Variants in CALN1 observed in about 807,000 individuals in gnomAD.
CALN1 encodes the protein calneuron 1.
A neutral mutation model predicts 30.6 loss-of-function variants in CALN1; 17 were observed. That is an observed-to-expected ratio of 0.56 (90% CI 0.38 to 0.83). The LOEUF (loss-of-function observed/expected upper bound fraction) is 0.83, where lower values mean the gene tolerates loss of function less well. Among genes scored for constraint, CALN1 ranks in the 40% least tolerant of loss-of-function variants. The probability of loss-of-function intolerance (pLI) is 0.00; values close to 1 mark genes in which losing one functional copy is unlikely to be tolerated. For synonymous variants in CALN1, 156 were observed against 131.4 expected (o/e 1.19, Z -1.28); for missense variants, 291 against 354.9 (o/e 0.82, Z 1.45).
At chr7:72,147,003 A>C (rs2129543843) in intron 3 of CALN1, among the ~76,000 whole-genome samples, 1 of 152,294 alleles carries the variant, frequency 6.6e-6, no homozygotes, top group African/African-American at 2.4e-5. Context: ...TAGACCTAAA[A>C]CCATAAAAAC....
At chr7:72,274,951 A>C (rs1261426183) in intron 3 of CALN1, among the ~76,000 whole-genome samples, 2 of 152,160 alleles carry the variant, frequency 1.3e-5, no homozygotes, top group African/African-American at 4.8e-5. Flanking sequence ...ATTGCAGCTG[A>C]AAATGACCTG....
At chr7:72,398,526 G>T (rs1024213825) in intron 2 of CALN1, among the ~76,000 whole-genome samples, 1 of 152,214 alleles carries the variant, frequency 6.6e-6, no homozygotes, top group East Asian at 1.9e-4. Flanking sequence ...TTTGGATTGG[G>T]CTGAAGCCAC....
At chr7:71,949,406 T>C (rs1018523820) in intron 5 of CALN1, among the ~76,000 whole-genome samples, 1 of 152,150 alleles carries the variant, frequency 6.6e-6, no homozygotes, top group African/African-American at 2.4e-5. Context: ...TTGTTTGAGA[T>C]GGAGTCTCAC....
intron 2 of CALN1, among the ~76,000 whole-genome samples, chr7:72,350,399 G>A (rs553977761): frequency 6.6e-6 from 1 of 152,236 alleles, no homozygotes; most frequent in African/African-American, 2.4e-5. Flanking sequence ...AGCAATGCTA[G>A]ACTGGATAAA....
At chr7:71,836,582 T>C (rs1191469107) in intron 5 of CALN1, among the ~76,000 whole-genome samples, 1 of 151,892 alleles carries the variant, frequency 6.6e-6, no homozygotes, top group African/African-American at 2.4e-5. Flanking sequence ...AGACTCATTC[T>C]ATTTTATGGC....
chr7:72,399,759 T>C (rs1186502437), intron 2 of CALN1, among the ~76,000 whole-genome samples: 1 of 152,214 alleles, frequency 6.6e-6, no homozygotes, highest in Non-Finnish European at 1.5e-5. Context: ...GCTTGGGTAT[T>C]TGTCCCCTCC....
intron 3 of CALN1, among the ~76,000 whole-genome samples, chr7:72,243,655 G>C (rs994899479): frequency 6.6e-6 from 1 of 152,122 alleles, no homozygotes; most frequent in Non-Finnish European, 1.5e-5. Flanking sequence ...CCTGTCTGGA[G>C]TGAGTGACCT....
At chr7:71,908,621 C>A (rs977499256) in intron 5 of CALN1, among the ~76,000 whole-genome samples, 1 of 152,168 alleles carries the variant, frequency 6.6e-6, no homozygotes, top group Non-Finnish European at 1.5e-5. Flanking sequence ...CACAACGATG[C>A]ATAACTAGCT....
At chr7:72,345,943 C>T (rs1010765424) in intron 2 of CALN1, among the ~76,000 whole-genome samples, 2 of 151,592 alleles carry the variant, frequency 1.3e-5, no homozygotes, top group African/African-American at 2.4e-5. Flanking sequence ...GAAAAAGAAC[C>T]GAATTAAGAA....
chr7:71,802,037 C>A (rs1223202850), intron 6 of CALN1, among the ~76,000 whole-genome samples: 1 of 151,998 alleles, frequency 6.6e-6, no homozygotes, highest in Non-Finnish European at 1.5e-5. Context: ...TACTTGTGCA[C>A]CAACCTAATA....
chr7:72,418,130 C>A (rs1807481436), intron 1 of CALN1, among the ~76,000 whole-genome samples: 1 of 151,678 alleles, frequency 6.6e-6, no homozygotes. Flanking sequence ...TCTTCCCTCT[C>A]TAGTAGCCCC....
intron 6 of CALN1, among the ~76,000 whole-genome samples, chr7:71,795,188 A>G (rs1370622441): frequency 6.6e-6 from 1 of 151,830 alleles, no homozygotes; most frequent in African/African-American, 2.4e-5. Context: ...CACTCAGGTA[A>G]TTTTTGTATT....
the CALN1 span, among the ~76,000 whole-genome samples, chr7:72,467,187 G>A: frequency 6.6e-6 from 1 of 152,174 alleles, no homozygotes; most frequent in South Asian, 2.1e-4. Flanking sequence ...AGTCCCGAGA[G>A]CTCTCAGGCC....
chr7:72,171,219 T>C (rs1671080505), intron 3 of CALN1, among the ~76,000 whole-genome samples: 2 of 152,188 alleles, frequency 1.3e-5, no homozygotes, highest in South Asian at 4.1e-4. Context: ...TTTAAACTTT[T>C]CACGCCTAAA....
intron 2 of CALN1, among the ~76,000 whole-genome samples, chr7:72,360,889 G>T (rs770199093): frequency 6.6e-6 from 1 of 151,372 alleles, no homozygotes; most frequent in Non-Finnish European, 1.5e-5. Flanking sequence ...CTACCATGCC[G>T]GGTTAATTTC....
At chr7:72,475,951 T>C in the CALN1 span, among the ~76,000 whole-genome samples, 1 of 142,086 alleles carries the variant, frequency 7.0e-6, no homozygotes, top group African/African-American at 2.6e-5. Context: ...CTTTTTTTTT[T>C]TTTTTTTTTT....
intron 2 of CALN1, among the ~76,000 whole-genome samples, chr7:72,376,272 C>T (rs1804548285): frequency 6.6e-6 from 1 of 152,210 alleles, no homozygotes; most frequent in Admixed American, 6.6e-5. Context: ...AGTGGAACTG[C>T]TGGATCCTAT....
At chr7:72,178,621 G>A (rs914378948) in intron 3 of CALN1, among the ~76,000 whole-genome samples, 3 of 151,768 alleles carry the variant, frequency 2.0e-5, no homozygotes, top group Non-Finnish European at 2.9e-5. Context: ...CTCGGGAGGC[G>A]GAGGTTGCAG....
At chr7:72,171,160 A>C (rs1305074913) in intron 3 of CALN1, among the ~76,000 whole-genome samples, 1 of 152,078 alleles carries the variant, frequency 6.6e-6, no homozygotes, top group Admixed American at 6.6e-5. Flanking sequence ...TCAGTCTCAA[A>C]ACAAAACAAA....
Sources: allele counts gnomAD v4.1 joint callset (sites outside exome capture counted in the v4.1 genomes callset), GRCh38; gene constraint gnomAD v4.1.1; transcripts MANE v1.5; gene names NCBI Gene and HGNC (gene_info 2026-07-23, HGNC 2026-07-21).